The following IL24 variants were observed in gnomAD, a reference collection of about 807,000 sequenced individuals.
IL24 encodes the protein interleukin-24.
In IL24, 24 loss-of-function variants were observed where a neutral mutation model predicts 27.6. The ratio of observed to expected loss-of-function variants is 0.87; its 90% CI spans 0.63 to 1.22. IL24 has a LOEUF of 1.22. IL24 is among the 50% of genes most tolerant of loss of function. The pLI, the probability that IL24 is intolerant of heterozygous loss-of-function variation, is 0.00. For synonymous variants in IL24, 99 were observed against 93.1 expected, an observed-to-expected ratio of 1.06 and a Z score of -0.36; for missense variants, 240 against 237.0, an observed-to-expected ratio of 1.01 and a Z score of -0.08.
rs1223084181 is a variant in IL24, at chr1:206,903,220, C to A, written c.*161C>A. The stretch of plus-strand genomic sequence containing the variant: ...GTCAAAGAAGTCATTCTTTAAGCAG[C>A]GCCAGTGACAGTCAGGGAAGGTGCC... On this transcript the variant is annotated 3_prime_UTR_variant, in exon 7 of 7. Coordinates refer to ENST00000294984, the MANE Select transcript of IL24 (RefSeq NM_006850.3). The A allele has an allele frequency of 1.6e-6, 1 of 628,746 alleles. No homozygotes were observed. 38.9% of individuals were successfully genotyped at this position (628,746 alleles called of 1,614,324 possible).
At chr1:206,901,866 TGG>T in intron 5 of IL24, 130 bp from the exon 6 acceptor site, 1 of 959,596 alleles carries the variant, frequency 1.0e-6, no homozygotes, top group Non-Finnish European at 1.6e-6. Context: ...TTGGTTACCT[TGG>T]GGAATGCAGG....
chr1:206,899,330 C>T lies in IL24; in HGVS notation c.55C>T (p.Pro19Ser). The change falls in exon 3 of 7, where the codon CCT (proline) becomes TCT (serine). Residue 19 changes from proline (P) to serine (S), a missense_variant. By Grantham distance (74) the Pro-to-Ser change is moderately conservative. Coordinates refer to ENST00000294984, the MANE Select transcript of IL24 (RefSeq NM_006850.3). ...CCTTTCTTTCAGCAGACCCTTCTGC[C>T]CTCCTTTGCTGGCGACAGCCTCTCA... ...SLWTLARPFC[P>S]PLLATASQMQ... 1 of 1,613,864 alleles carries T rather than the reference C, an allele frequency of 6.2e-7. No individual in the cohort carries two copies. Among genetic ancestry groups the T allele is most frequent in the Non-Finnish European group, 8.5e-7 (1 of 1,179,924 alleles).
At position 206,901,982 on chromosome 1, in the gene IL24, T is replaced by G. The variant is rs756998158; in HGVS notation, c.463-16T>G. On this transcript the variant is annotated splice_polypyrimidine_tract_variant and intron_variant, in intron 5 of 6. Coordinates refer to ENST00000294984, the MANE Select transcript of IL24 (RefSeq NM_006850.3). ...TATCTAAAAATTGGCACAACTTCTT[T>G]TCCCATGTTATGTAGCAAGAAAATG... The G allele has an allele frequency of 6.2e-7, 1 of 1,613,336 alleles. No homozygotes were observed.
chr1:206,900,242 G>A, intron 3 of IL24, 53 bp from the exon 4 acceptor site: 1 of 1,515,102 alleles, frequency 6.6e-7, no homozygotes, highest in East Asian at 2.3e-5. Context: ...TTGCAGAGTT[G>A]GTTTCTATGC....
chr1:206,898,293 C>G (rs1187802394), intron 2 of IL24, among the ~76,000 whole-genome samples: 1 of 152,062 alleles, frequency 6.6e-6, no homozygotes, highest in Non-Finnish European at 1.5e-5. Flanking sequence ...CTCCCTAGCC[C>G]AGGTACCAGC....
chr1:206,900,420 G>C (rs1004319832), intron 4 of IL24, 63 bp downstream of exon 4: 23 of 1,426,440 alleles, frequency 1.6e-5, no homozygotes, highest in Non-Finnish European at 2.3e-5. Flanking sequence ...GGAGTGCAAG[G>C]CTTTCTTAGG....
rs1678505344 is a variant in IL24, at chr1:206,903,929, A to G, written c.*870A>G. The G allele has an allele frequency of 6.6e-6, 1 of 152,362 alleles. No individual in the cohort carries two copies. The highest frequency in any genetic ancestry group is 1.5e-5 in the Non-Finnish European group (1 of 68,044). 9.4% of individuals were successfully genotyped at this position (152,362 alleles called of 1,614,324 possible). On this transcript the variant is annotated 3_prime_UTR_variant, in exon 7 of 7. Coordinates refer to ENST00000294984, the MANE Select transcript of IL24 (RefSeq NM_006850.3). ...CAGTGAGACTGTGTTGTACAGCTAG[A>G]AAAGGCCTTCTTCCCAATAGCAAGG...
chr1:206,897,792 G>T lies in IL24; in HGVS notation c.-41G>T. 1 of 1,610,972 alleles carries T rather than the reference G, an allele frequency of 6.2e-7. No homozygotes were observed. On this transcript the variant is annotated 5_prime_UTR_variant, in exon 2 of 7. Transcript: ENST00000294984. Reference sequence around the variant, plus strand: ...CAATTTAACACCAAGAAGAATTGAGGCTGCTTGGGAGGAAGGCCAGGAGGA... The same window carrying T: ...CAATTTAACACCAAGAAGAATTGAGTCTGCTTGGGAGGAAGGCCAGGAGGA...
intron 1 of IL24, 46 bp from the exon 2 acceptor site, chr1:206,897,685 T>A: frequency 1.5e-6 from 1 of 655,996 alleles, no homozygotes; most frequent in Non-Finnish European, 2.6e-6. Context: ...TGAAAAGGGG[T>A]CAAGGTGGGG....
Position 206,903,487 on chromosome 1 carries a change from T to TC in IL24, c.*428_*429insC. On this transcript the variant is annotated 3_prime_UTR_variant, in exon 7 of 7. Coordinates refer to ENST00000294984, the MANE Select transcript of IL24 (RefSeq NM_006850.3). ...GTGCTTTTTTTGGCCTGTCTTTGGA[T>TC]TGTTAAAAAACAGAGAGGGATGCTT... 6.1e-6 allele frequency: 1 copy of TC among 163,688 alleles called. No homozygotes were observed. 10.1% of individuals were successfully genotyped at this position (163,688 alleles called of 1,614,324 possible). A position where few individuals can be genotyped will look rare whatever the true frequency, so the allele number is the denominator to read the frequency against.
chr1:206,901,810 C>T (rs1267527083), intron 5 of IL24, among the ~76,000 whole-genome samples, 158 bp downstream of exon 5: 1 of 152,076 alleles, frequency 6.6e-6, no homozygotes, highest in Non-Finnish European at 1.5e-5. Flanking sequence ...AGGATTGCTG[C>T]GAGAATTAAA....
chr1:206,901,749 C>T, intron 5 of IL24, 97 bp downstream of exon 5: 1 of 1,059,588 alleles, frequency 9.4e-7, no homozygotes, highest in Non-Finnish European at 1.4e-6. Context: ...CTCCACCTCC[C>T]TGGGCTTCAG....
chr1:206,898,755 G>A (rs1485034827), intron 2 of IL24, among the ~76,000 whole-genome samples: 1 of 152,166 alleles, frequency 6.6e-6, no homozygotes, highest in Non-Finnish European at 1.5e-5. Flanking sequence ...TAGTCTGTGT[G>A]TGACCCTGAC....
At chr1:206,902,540 C>CG (rs1044062421) in intron 6 of IL24, 2 of 982,136 alleles carry the variant, frequency 2.0e-6, no homozygotes, top group East Asian at 1.1e-4. Context: ...CCCCAGCCCC[C>CG]CTAAAAACAT....
At chr1:206,902,306 T>A (rs1678422719) in intron 6 of IL24, 1 of 985,382 alleles carries the variant, frequency 1.0e-6, no homozygotes, top group South Asian at 4.7e-5. Flanking sequence ...CCCTACAAGA[T>A]GATTTTACGA....
chr1:206,899,984 C>A (rs1284487720), intron 3 of IL24, among the ~76,000 whole-genome samples: 2 of 152,198 alleles, frequency 1.3e-5, no homozygotes, highest in African/African-American at 4.8e-5. Context: ...TTCCTCCCAT[C>A]TCAAATGACC....
intron 2 of IL24, 90 bp from the exon 3 acceptor site, chr1:206,899,230 G>T: frequency 1.5e-6 from 2 of 1,360,176 alleles, no homozygotes; most frequent in Non-Finnish European, 2.0e-6. Context: ...CTCGAGATTG[G>T]CCCGGGGAGA....
intron 6 of IL24, 23 bp downstream of exon 6, chr1:206,902,095 T>C (rs200334512): frequency 6.2e-7 from 1 of 1,613,774 alleles, no homozygotes; most frequent in African/African-American, 1.3e-5. Context: ...GCTGAGAGCT[T>C]GCCCATCCAG....
intron 2 of IL24, 79 bp from the exon 3 acceptor site, chr1:206,899,241 C>T: frequency 6.9e-7 from 1 of 1,444,048 alleles, no homozygotes; most frequent in South Asian, 1.3e-5. Context: ...CCCGGGGAGA[C>T]CCTCGGAGCA....
Sources: allele counts gnomAD v4.1 joint callset (sites outside exome capture counted in the v4.1 genomes callset), GRCh38; gene constraint gnomAD v4.1.1; transcripts MANE v1.5; gene names NCBI Gene and HGNC (gene_info 2026-07-23, HGNC 2026-07-21).